DENND11: variants seen among roughly 807,000 people sequenced by gnomAD.
DENND11 encodes DENN domain containing 11.
In DENND11, 34 loss-of-function variants were observed where a neutral mutation model predicts 49.2. The observed-to-expected ratio is 0.69, with a 90% confidence interval of 0.53 to 0.92. The LOEUF (loss-of-function observed/expected upper bound fraction) is 0.92, where lower values mean the gene tolerates loss of function less well. Ranked by LOEUF, DENND11 falls within the 40% of genes least tolerant of loss-of-function variation. The pLI is 0.00. For synonymous variants in DENND11, 238 were observed against 230.3 expected (o/e 1.03, Z -0.30); for missense variants, 475 against 581.6 (o/e 0.82, Z 1.88).
At chr7:141,666,262 A>C in intron 5 of DENND11, 25 bp downstream of exon 5, 1 of 1,569,588 alleles carries the variant, frequency 6.4e-7, no homozygotes. Flanking sequence ...TTTAAGCAGC[A>C]CTCCTGACTC....
chr7:141,686,088 A>T (rs184498177), intron 2 of DENND11, among the ~76,000 whole-genome samples: 1 of 152,188 alleles, frequency 6.6e-6, no homozygotes, highest in African/African-American at 2.4e-5. Context: ...TCAATCATGA[A>T]TTAAGCCCCA....
rs1798470742 is a variant in DENND11, at chr7:141,699,487, GGATA to G, written c.268+2395_268+2398del. Among the ~76,000 whole-genome samples the G allele has an allele frequency of 2.6e-5, 4 of 152,240 alleles. No homozygotes were observed. In the South Asian group the frequency reaches 8.3e-4, roughly 32 times the overall value. On this transcript the variant is annotated intron_variant, in intron 1 of 8. Transcript: ENST00000536163. ...GGAAGCAAAGTGCCATTTAGGACTAGGATAGATGACAAAAGAGACAAACACATTT... is the reference window on the plus strand; with the variant it reads ...GGAAGCAAAGTGCCATTTAGGACTAGGATGACAAAAGAGACAAACACATTT...
Position 141,702,039 on chromosome 7 carries a change from CCCCG to C in DENND11, c.111_114del (p.Gly38AlafsTer55), listed in dbSNP as rs1175043632. On this transcript the variant is annotated frameshift_variant, in exon 1 of 9. Transcript: ENST00000536163. LOFTEE classifies it high-confidence loss of function. ...GGCGGCTCCGCGGCCGGCCGGGCGC[CCCCG>C]CCGCCGCCCCGGCCCCAGCCTCCCG... 9.9e-7 allele frequency: 1 copy of C among 1,007,812 alleles called. No homozygotes were observed. Among genetic ancestry groups the C allele is most frequent in the Non-Finnish European group, 1.2e-6 (1 of 846,312 alleles). 62.4% of individuals were successfully genotyped at this position (1,007,812 alleles called of 1,614,324 possible). A position where few individuals can be genotyped will look rare whatever the true frequency, so the allele number is the denominator to read the frequency against.
chr7:141,670,137 A>AT lies in DENND11; in HGVS notation c.682-3713dup, dbSNP rs1163715487. Among the ~76,000 whole-genome samples the AT allele has an allele frequency of 8.5e-4, 128 of 150,288 alleles. 1 individual carries two copies. Among genetic ancestry groups the AT allele is most frequent in the African/African-American group, 2.5e-3 (103 of 40,644 alleles). ...ATACATGCTATTTTTAAGTACTGTCATTTTTTTTTCCTGGTCCCTGCCTTT... is the reference window on the plus strand; with the variant it reads ...ATACATGCTATTTTTAAGTACTGTCATTTTTTTTTTCCTGGTCCCTGCCTTT... On this transcript the variant is annotated intron_variant, in intron 4 of 8. Transcript: ENST00000536163.
At position 141,658,904 on chromosome 7, in the gene DENND11, C is replaced by G. The variant is rs1049061374; in HGVS notation, c.*3752G>C. On this transcript the variant is annotated 3_prime_UTR_variant, in exon 9 of 9. Coordinates refer to ENST00000536163, the MANE Select transcript of DENND11 (RefSeq NM_001080392.2). Reference sequence around the variant, plus strand: ...TCTTTTACTGTGTTTGAAGGGCTTTCAGTGCATCAAGACTGAGAGCAAATT... The same window carrying G: ...TCTTTTACTGTGTTTGAAGGGCTTTGAGTGCATCAAGACTGAGAGCAAATT... 1.3e-5 allele frequency: 2 copies of G among 152,594 alleles called. No individual in the cohort carries two copies. Among genetic ancestry groups the G allele is most frequent in the Non-Finnish European group, 2.9e-5 (2 of 68,026 alleles). 9.5% of individuals were successfully genotyped at this position (152,594 alleles called of 1,614,324 possible).
At chr7:141,671,538 G>C (rs1397953605) in intron 4 of DENND11, among the ~76,000 whole-genome samples, 1 of 151,970 alleles carries the variant, frequency 6.6e-6, no homozygotes, top group Admixed American at 6.6e-5. Context: ...ACTGTTATTT[G>C]TATCTGCAAC....
chr7:141,662,615 G>T lies in DENND11; in HGVS notation c.*41C>A. The stretch of plus-strand genomic sequence containing the variant: ...GCCCTGGGGTGAACTCCGGGCTGCT[G>T]ACATCCCACGTGAAGTGGCTCCCAG... On this transcript the variant is annotated 3_prime_UTR_variant, in exon 9 of 9. Coordinates refer to ENST00000536163, the MANE Select transcript of DENND11 (RefSeq NM_001080392.2). 1 of 1,463,360 alleles carries T rather than the reference G, an allele frequency of 6.8e-7. No individual in the cohort carries two copies. The highest frequency in any genetic ancestry group is 1.4e-5 in the South Asian group (1 of 69,984). 90.6% of individuals were successfully genotyped at this position (1,463,360 alleles called of 1,614,324 possible). A position where few individuals can be genotyped will look rare whatever the true frequency, so the allele number is the denominator to read the frequency against.
At position 141,660,107 on chromosome 7, in the gene DENND11, C is replaced by T. The variant is rs1223414108; in HGVS notation, c.*2549G>A. The T allele has an allele frequency of 1.3e-5, 2 of 152,154 alleles. No homozygotes were observed. The highest frequency in any genetic ancestry group is 1.3e-4 in the Admixed American group (2 of 15,274). The allele number at this position is 152,154 out of a possible 1,614,324, so 9.4% of individuals were successfully genotyped here. A position where few individuals can be genotyped will look rare whatever the true frequency, so the allele number is the denominator to read the frequency against. On this transcript the variant is annotated 3_prime_UTR_variant, in exon 9 of 9. Transcript: ENST00000536163. ...AAGCCACAGGCTCCACTTCATAGCC[C>T]AGGCAAGACATACTCTGAGGATGCT...
intron 1 of DENND11, chr7:141,701,583 A>G (rs1798518156): frequency 5.1e-6 from 1 of 195,118 alleles, no homozygotes; most frequent in African/African-American, 2.3e-5. Flanking sequence ...AAGTGCGAAC[A>G]CCACTGTGGG....
At chr7:141,685,341 G>T (rs973301376) in intron 3 of DENND11, 137 bp downstream of exon 3, 3 of 1,067,496 alleles carry the variant, frequency 2.8e-6, no homozygotes, top group Non-Finnish European at 2.8e-6. Flanking sequence ...ACCACCCGAG[G>T]CGTGAAACAT....
rs775219900 is a variant in DENND11 at position 141,665,092 on chromosome 7, G to A, written c.953-38C>T. On this transcript the variant is annotated intron_variant, in intron 6 of 8. Coordinates refer to ENST00000536163, the MANE Select transcript of DENND11 (RefSeq NM_001080392.2). ...GGGTTAGAGAGGTGGGAACCCACCC[G>A]ACCCCACTGGGAAACAAGGCGCCCA... is the stretch of plus-strand genomic sequence containing the variant. 2.2e-5 allele frequency: 36 copies of A among 1,610,436 alleles called. 1 individual carries two copies. The highest frequency in any genetic ancestry group is 1.2e-4 in the South Asian group (11 of 90,924).
chr7:141,690,818 T>G (rs934703692), intron 1 of DENND11, among the ~76,000 whole-genome samples: 1 of 152,242 alleles, frequency 6.6e-6, no homozygotes, highest in African/African-American at 2.4e-5. Flanking sequence ...ATTCCTTTAT[T>G]GAAGTACTTC....
intron 4 of DENND11, among the ~76,000 whole-genome samples, chr7:141,673,070 A>AT: frequency 6.6e-6 from 1 of 152,246 alleles, no homozygotes; most frequent in Admixed American, 6.5e-5. Flanking sequence ...CTTGTCTTGC[A>AT]TTTTTCCGTG....
chr7:141,666,223 A>G (rs1562995288), intron 5 of DENND11, 64 bp downstream of exon 5: 6 of 1,495,076 alleles, frequency 4.0e-6, no homozygotes, highest in African/African-American at 1.4e-5. Flanking sequence ...TCAGTGACAG[A>G]AAGACTCAAG....
intron 2 of DENND11, 47 bp from the exon 3 acceptor site, chr7:141,685,683 T>A: frequency 6.3e-7 from 1 of 1,592,500 alleles, no homozygotes; most frequent in South Asian, 1.1e-5. Flanking sequence ...AGAGAGGAAT[T>A]TTGAGATGCA....
chr7:141,679,058 AAC>A (rs1166541542), intron 3 of DENND11, among the ~76,000 whole-genome samples: 1 of 152,236 alleles, frequency 6.6e-6, no homozygotes, highest in African/African-American at 2.4e-5. Flanking sequence ...AGAAATATAA[AAC>A]ACAGATTAAG....
intron 1 of DENND11, among the ~76,000 whole-genome samples, chr7:141,689,642 A>AT (rs1167756407): frequency 6.6e-6 from 1 of 152,038 alleles, no homozygotes; most frequent in African/African-American, 2.4e-5. Flanking sequence ...AACTCAATGG[A>AT]TTTTCCCAAA....
intron 3 of DENND11, among the ~76,000 whole-genome samples, chr7:141,681,784 G>T (rs1394611076): frequency 6.6e-6 from 1 of 152,288 alleles, no homozygotes; most frequent in South Asian, 2.1e-4. Context: ...CAGCAGGAAA[G>T]GTGTTCTAAA....
chr7:141,672,541 C>G (rs1398844642), intron 4 of DENND11, among the ~76,000 whole-genome samples: 1 of 152,206 alleles, frequency 6.6e-6, no homozygotes, highest in Non-Finnish European at 1.5e-5. Context: ...GAAATTCGAT[C>G]CTGCCAACAC....
Sources: gnomAD v4.1 joint callset for allele counts (sites outside exome capture counted in the v4.1 genomes callset) on GRCh38, gnomAD v4.1.1 for gene constraint, MANE v1.5 for transcripts, NCBI Gene and HGNC (gene_info 2026-07-23, HGNC 2026-07-21) for gene names.